GRXCR1: variants seen among roughly 807,000 people sequenced by gnomAD.
GRXCR1 encodes glutaredoxin and cysteine rich domain containing 1.
A neutral mutation model predicts 27.3 loss-of-function variants in GRXCR1; 27 were observed. The ratio of observed to expected loss-of-function variants is 0.99; its 90% CI spans 0.73 to 1.37. GRXCR1 has a LOEUF of 1.37. Ranked by LOEUF, GRXCR1 falls within the 40% of genes most tolerant of loss-of-function variation. GRXCR1 has a pLI of 0.00. For missense variants in GRXCR1, 379 were observed against 354.4 expected, an observed-to-expected ratio of 1.07 and a Z score of -0.56; for synonymous variants, 122 against 131.1, an observed-to-expected ratio of 0.93 and a Z score of 0.47.
intron 1 of GRXCR1, among the ~76,000 whole-genome samples, chr4:42,936,358 C>G (rs1445176356): frequency 6.6e-6 from 1 of 151,826 alleles, no homozygotes. Context: ...AAGATTTTTA[C>G]ATTAATTTGC....
chr4:42,930,486 C>A (rs940989750), intron 1 of GRXCR1, among the ~76,000 whole-genome samples: 3 of 151,912 alleles, frequency 2.0e-5, no homozygotes, highest in Admixed American at 2.0e-4. Flanking sequence ...TCTGTGTTTC[C>A]TATCTCTCCT....
chr4:42,940,197 C>T (rs1015349110), intron 1 of GRXCR1, among the ~76,000 whole-genome samples: 1 of 152,048 alleles, frequency 6.6e-6, no homozygotes, highest in Non-Finnish European at 1.5e-5. Context: ...CCTCCTAAGA[C>T]AGTGGCCCCT....
rs573032654 is a variant in GRXCR1 at position 42,931,069 on chromosome 4, T to C, written c.385-31823T>C. On this transcript the variant is annotated intron_variant, in intron 1 of 3. Transcript: ENST00000399770. ...GAGGACAAAATAAAGCTTTTTTTTT[T>C]CCCTTTTTACAAATGGCACTGGAAA... is the stretch of plus-strand genomic sequence containing the variant. Among the ~76,000 whole-genome samples the C allele has an allele frequency of 6.1e-4, 92 of 151,970 alleles. 2 individuals carry two copies. In the South Asian group the frequency reaches 0.011, roughly 17 times the overall value.
At chr4:43,000,517 G>A (rs983842027) in intron 2 of GRXCR1, among the ~76,000 whole-genome samples, 3 of 150,518 alleles carry the variant, frequency 2.0e-5, no homozygotes, top group Non-Finnish European at 4.4e-5. Context: ...TAAGTCTCAT[G>A]GTATAGCAGT....
At chr4:43,015,787 A>G in intron 2 of GRXCR1, among the ~76,000 whole-genome samples, 1 of 151,414 alleles carries the variant, frequency 6.6e-6, no homozygotes, top group Middle Eastern at 3.5e-3. Context: ...TATATTATAT[A>G]TGTATATATG....
At chr4:42,999,918 G>C (rs539528192) in intron 2 of GRXCR1, among the ~76,000 whole-genome samples, 1 of 152,278 alleles carries the variant, frequency 6.6e-6, no homozygotes, top group South Asian at 2.1e-4. Context: ...TGGTTAATGT[G>C]TCTTTGTTCA....
At chr4:42,914,115 G>A (rs1236489347) in intron 1 of GRXCR1, among the ~76,000 whole-genome samples, 2 of 152,214 alleles carry the variant, frequency 1.3e-5, no homozygotes, top group Admixed American at 1.3e-4. Flanking sequence ...TGGGGTGGGA[G>A]CCCCCACAGA....
chr4:42,998,754 T>G (rs1712256898), intron 2 of GRXCR1, among the ~76,000 whole-genome samples: 1 of 152,224 alleles, frequency 6.6e-6, no homozygotes, highest in Non-Finnish European at 1.5e-5. Context: ...TAATTACCTC[T>G]GAAAATGGAA....
intron 1 of GRXCR1, among the ~76,000 whole-genome samples, chr4:42,917,718 A>G (rs1212952218): frequency 2.0e-5 from 3 of 152,158 alleles, no homozygotes; most frequent in Admixed American, 2.0e-4. Flanking sequence ...AGGCTACCTT[A>G]GTATTTCTAG....
At chr4:43,006,500 G>A (rs1024343304) in intron 2 of GRXCR1, among the ~76,000 whole-genome samples, 9 of 152,118 alleles carry the variant, frequency 5.9e-5, no homozygotes, top group Admixed American at 1.3e-4. Flanking sequence ...TCTTATGGTC[G>A]AGACTGCAGG....
At chr4:43,018,687 G>A (rs1028964198) in intron 2 of GRXCR1, among the ~76,000 whole-genome samples, 18 of 152,032 alleles carry the variant, frequency 1.2e-4, no homozygotes, top group African/African-American at 4.1e-4. Flanking sequence ...AGAAAAATGG[G>A]GGCATATATT....
intron 2 of GRXCR1, among the ~76,000 whole-genome samples, chr4:43,013,948 T>C (rs1371755937): frequency 1.3e-5 from 2 of 152,072 alleles, no homozygotes; most frequent in Non-Finnish European, 2.9e-5. Flanking sequence ...GAAATTGTTC[T>C]TTACAATTAT....
At chr4:42,974,410 A>G (rs1166427977) in intron 2 of GRXCR1, among the ~76,000 whole-genome samples, 2 of 152,168 alleles carry the variant, frequency 1.3e-5, no homozygotes, top group Non-Finnish European at 2.9e-5. Flanking sequence ...GTTTATCTAT[A>G]GAGCATTAAT....
chr4:42,930,985 C>T (rs921377669), intron 1 of GRXCR1, among the ~76,000 whole-genome samples: 1 of 151,894 alleles, frequency 6.6e-6, no homozygotes, highest in Non-Finnish European at 1.5e-5. Flanking sequence ...ACAGTTATAT[C>T]TGAGTGATGA....
Position 42,966,895 on chromosome 4 carries a change from T to C in GRXCR1, c.627+3761T>C, listed in dbSNP as rs187130802. ...GCTCATGTTTAAGTCAAGTTTTTTG[T>C]TTTCTTATTGTTGAGGTTTAAGAGT... On this transcript the variant is annotated intron_variant, in intron 2 of 3. Coordinates refer to ENST00000399770, the MANE Select transcript of GRXCR1 (RefSeq NM_001080476.3). Among the ~76,000 whole-genome samples, 409 of 152,242 alleles carry C rather than the reference T, an allele frequency of 2.7e-3. 4 individuals are homozygous for C. Among genetic ancestry groups the C allele is most frequent in the Non-Finnish European group, 2.5e-4 (17 of 68,000 alleles).
intron 1 of GRXCR1, among the ~76,000 whole-genome samples, chr4:42,957,236 C>G (rs1055575884): frequency 6.6e-6 from 1 of 152,002 alleles, no homozygotes; most frequent in Non-Finnish European, 1.5e-5. Flanking sequence ...CTATGCTTTC[C>G]TAATTACTTC....
intron 1 of GRXCR1, among the ~76,000 whole-genome samples, chr4:42,956,450 G>C (rs1221097491): frequency 6.6e-6 from 1 of 151,228 alleles, no homozygotes; most frequent in Non-Finnish European, 1.5e-5. Flanking sequence ...TAGAAGAGGA[G>C]GATTTTTTTT....
intron 1 of GRXCR1, among the ~76,000 whole-genome samples, chr4:42,920,458 A>G (rs1006347822): frequency 6.6e-6 from 1 of 152,142 alleles, no homozygotes; most frequent in Admixed American, 6.5e-5. Flanking sequence ...ACGATATATA[A>G]GTTGAGACAA....
intron 2 of GRXCR1, among the ~76,000 whole-genome samples, chr4:43,009,861 T>G (rs374226555): frequency 2.6e-5 from 4 of 152,180 alleles, no homozygotes; most frequent in Admixed American, 2.6e-4. Context: ...TATATATATT[T>G]TCTATATATC....
Sources: allele counts gnomAD v4.1 joint callset (sites outside exome capture counted in the v4.1 genomes callset), GRCh38; gene constraint gnomAD v4.1.1; transcripts MANE v1.5; gene names NCBI Gene and HGNC (gene_info 2026-07-23, HGNC 2026-07-21).